The following DGKB variants were observed in gnomAD, a reference collection of about 807,000 sequenced individuals.
The protein encoded by DGKB is 90 kDa diacylglycerol kinase.
Under a neutral mutation model 114.3 loss-of-function variants are expected in DGKB, and 67 were observed. That is an observed-to-expected ratio of 0.59 (90% CI 0.48 to 0.72). The LOEUF (loss-of-function observed/expected upper bound fraction) is 0.72, where lower values mean the gene tolerates loss of function less well. DGKB is among the 30% of genes least tolerant of loss of function. The pLI is 0.00. For synonymous variants in DGKB, 398 were observed against 323.1 expected (o/e 1.23, Z -2.49); for missense variants, 907 against 975.2 (o/e 0.93, Z 0.93).
intron 20 of DGKB, among the ~76,000 whole-genome samples, chr7:14,542,778 C>T (rs947157316): frequency 4.6e-5 from 7 of 152,160 alleles, no homozygotes; most frequent in African/African-American, 1.7e-4. Flanking sequence ...ACTCACTTAG[C>T]AATCGCATCC....
At chr7:14,251,649 C>G (rs1795256302) in intron 23 of DGKB, among the ~76,000 whole-genome samples, 1 of 152,052 alleles carries the variant, frequency 6.6e-6, no homozygotes, top group South Asian at 2.1e-4. Flanking sequence ...TTTGTTTCAA[C>G]TTAAGAACTC....
intron 21 of DGKB, among the ~76,000 whole-genome samples, chr7:14,440,130 A>AGAAAGAG (rs1829877589): frequency 6.6e-6 from 1 of 152,126 alleles, no homozygotes; most frequent in African/African-American, 2.4e-5. Context: ...TTTGTTGGGT[A>AGAAAGAG]GAAAGAGCAG....
intron 21 of DGKB, among the ~76,000 whole-genome samples, chr7:14,410,661 G>A (rs553934343): frequency 1.3e-5 from 2 of 152,062 alleles, no homozygotes; most frequent in South Asian, 2.1e-4. Context: ...GTGCACATAC[G>A]TATCCCACAA....
intron 20 of DGKB, among the ~76,000 whole-genome samples, chr7:14,533,479 A>G (rs1179719427): frequency 1.3e-5 from 2 of 151,868 alleles, no homozygotes; most frequent in Admixed American, 6.6e-5. Flanking sequence ...AAGAAAACTT[A>G]TTTAAAAGTT....
At chr7:14,415,060 A>C (rs967425493) in intron 21 of DGKB, among the ~76,000 whole-genome samples, 1 of 151,936 alleles carries the variant, frequency 6.6e-6, no homozygotes, top group Non-Finnish European at 1.5e-5. Context: ...AAGTTAAAAT[A>C]TGTATTTCTA....
At chr7:14,364,818 C>G (rs530432057) in intron 21 of DGKB, among the ~76,000 whole-genome samples, 22 of 152,006 alleles carry the variant, frequency 1.4e-4, no homozygotes, top group African/African-American at 5.1e-4. Context: ...GAAGCTCAGG[C>G]CCAGACTGCA....
intron 1 of DGKB, among the ~76,000 whole-genome samples, chr7:14,871,740 C>T (rs1852488297): frequency 6.6e-6 from 1 of 152,112 alleles, no homozygotes; most frequent in African/African-American, 2.4e-5. Flanking sequence ...TTTCTAAGTG[C>T]CTAGCACTGT....
At chr7:14,859,108 G>A (rs979699083) in intron 1 of DGKB, among the ~76,000 whole-genome samples, 1 of 152,102 alleles carries the variant, frequency 6.6e-6, no homozygotes, top group Non-Finnish European at 1.5e-5. Context: ...AGGAGCAAAA[G>A]AGAGAACAGG....
intron 20 of DGKB, among the ~76,000 whole-genome samples, chr7:14,561,245 T>C (rs533783993): frequency 1.6e-4 from 25 of 152,300 alleles, no homozygotes; most frequent in South Asian, 1.4e-3. Flanking sequence ...CCTGACACCA[T>C]GTAAGATGTG....
At chr7:14,538,577 G>T (rs546015475) in intron 20 of DGKB, among the ~76,000 whole-genome samples, 4 of 151,992 alleles carry the variant, frequency 2.6e-5, no homozygotes, top group African/African-American at 9.7e-5. Context: ...ATAGTATAGA[G>T]ATTCCTCAAA....
At chr7:14,696,099 C>G (rs533985623) in intron 8 of DGKB, among the ~76,000 whole-genome samples, 1 of 152,254 alleles carries the variant, frequency 6.6e-6, no homozygotes, top group Non-Finnish European at 1.5e-5. Flanking sequence ...TCCCCTTCCT[C>G]CTAGCATCCT....
At chr7:14,325,517 T>G (rs1443834223) in intron 23 of DGKB, among the ~76,000 whole-genome samples, 1 of 152,150 alleles carries the variant, frequency 6.6e-6, no homozygotes, top group East Asian at 1.9e-4. Flanking sequence ...AAGAGTGAAC[T>G]GTACTCTAGT....
rs562454199 is a variant in DGKB, at chr7:14,764,811, C to T, written c.71-7080G>A. 2.0e-5 allele frequency among the ~76,000 whole-genome samples: 3 copies of T among 151,500 alleles called. No homozygotes were observed. The South Asian group carries it at 6.2e-4, about 31-fold the overall frequency. ...TTATTTAAAGATTTATTTACTCTCA[C>T]CTTAGGTCACAATAGCAAAAATAGC... On this transcript the variant is annotated intron_variant, in intron 2 of 25. Transcript: ENST00000402815.
intron 3 of DGKB, among the ~76,000 whole-genome samples, chr7:14,755,930 A>C (rs562039925): frequency 1.3e-5 from 2 of 152,162 alleles, no homozygotes; most frequent in African/African-American, 4.8e-5. Flanking sequence ...TGTTTCAACA[A>C]TAGATCTGTA....
At position 14,338,501 on chromosome 7, in the gene DGKB, G is replaced by C; in HGVS notation, c.2122+14C>G. The C allele has an allele frequency of 6.5e-7, 1 of 1,529,894 alleles. No homozygotes were observed. Among genetic ancestry groups the C allele is most frequent in the Non-Finnish European group, 8.8e-7 (1 of 1,139,262 alleles). 94.8% of individuals were successfully genotyped at this position (1,529,894 alleles called of 1,614,324 possible). A position where few individuals can be genotyped will look rare whatever the true frequency, so the allele number is the denominator to read the frequency against. ...TTAACAAGCAATTTAACAACTAATT[G>C]TTAGAAAACTGACCTTGACTTGCAA... is the stretch of plus-strand genomic sequence containing the variant. On this transcript the variant is annotated intron_variant, in intron 23 of 25. Coordinates refer to ENST00000402815, the MANE Select transcript of DGKB (RefSeq NM_001350709.2).
At chr7:14,327,545 A>C (rs943467810) in intron 23 of DGKB, among the ~76,000 whole-genome samples, 2 of 152,178 alleles carry the variant, frequency 1.3e-5, no homozygotes, top group Non-Finnish European at 2.9e-5. Context: ...AATGAGACAC[A>C]CAGATTACTT....
intron 4 of DGKB, among the ~76,000 whole-genome samples, chr7:14,740,969 C>A (rs370535656): frequency 7.9e-5 from 12 of 152,240 alleles, no homozygotes; most frequent in South Asian, 6.2e-4. Flanking sequence ...ACCAGGGATG[C>A]CTTGCTCCTC....
chr7:14,318,086 T>C (rs1487994742), intron 23 of DGKB, among the ~76,000 whole-genome samples: 1 of 67,816 alleles, frequency 1.5e-5, no homozygotes, highest in Non-Finnish European at 3.1e-5. Context: ...TAGCCATATG[T>C]AGAAAGCTGA....
intron 21 of DGKB, among the ~76,000 whole-genome samples, chr7:14,421,911 G>A (rs1434406983): frequency 6.6e-6 from 1 of 151,858 alleles, no homozygotes; most frequent in Non-Finnish European, 1.5e-5. Flanking sequence ...ATCTCACCAT[G>A]TTTCCATTAT....
Sources: gnomAD v4.1 joint callset for allele counts (sites outside exome capture counted in the v4.1 genomes callset) on GRCh38, gnomAD v4.1.1 for gene constraint, MANE v1.5 for transcripts, NCBI Gene and HGNC (gene_info 2026-07-23, HGNC 2026-07-21) for gene names.